The following GAB2 variants were observed in gnomAD, a reference collection of about 807,000 sequenced individuals.
GAB2 encodes GRB2 associated binding protein 2.
In GAB2, 26 loss-of-function variants were observed where a neutral mutation model predicts 65.5. That is an observed-to-expected ratio of 0.40 (90% CI 0.29 to 0.55). The LOEUF is 0.55. Ranked by LOEUF, GAB2 falls within the 20% of genes least tolerant of loss-of-function variation. GAB2 has a pLI of 0.53. For synonymous variants in GAB2, 321 were observed against 329.6 expected (o/e 0.97, Z 0.28); for missense variants, 884 against 875.8 (o/e 1.01, Z -0.12).
At chr11:78,354,258 T>G (rs945736368) in intron 1 of GAB2, among the ~76,000 whole-genome samples, 1 of 152,192 alleles carries the variant, frequency 6.6e-6, no homozygotes, top group African/African-American at 2.4e-5. Flanking sequence ...TTGAAAGAGA[T>G]TCACAGAAAG....
At chr11:78,377,630 G>T (rs547816060) in intron 1 of GAB2, among the ~76,000 whole-genome samples, 7 of 152,228 alleles carry the variant, frequency 4.6e-5, no homozygotes, top group African/African-American at 7.2e-5. Flanking sequence ...GAGACAAGTG[G>T]ACTCAGCTTT....
At chr11:78,232,489 A>G (rs1864873356) in intron 3 of GAB2, among the ~76,000 whole-genome samples, 1 of 152,178 alleles carries the variant, frequency 6.6e-6, no homozygotes, top group African/African-American at 2.4e-5. Flanking sequence ...AAAGAACTCT[A>G]TTTGTCTTGA....
At chr11:78,275,968 G>T (rs1258593177) in intron 2 of GAB2, among the ~76,000 whole-genome samples, 1 of 151,902 alleles carries the variant, frequency 6.6e-6, no homozygotes, top group East Asian at 1.9e-4. Context: ...ACAAAAATTA[G>T]CCAGACATGG....
chr11:78,225,086 C>T (rs773504709), intron 5 of GAB2, 22 bp downstream of exon 5: 8 of 1,540,154 alleles, frequency 5.2e-6, no homozygotes, highest in African/African-American at 4.1e-5. Flanking sequence ...GCCTGAGGAC[C>T]CTTGGGTTAA....
At chr11:78,273,656 A>G (rs1280740312) in intron 2 of GAB2, among the ~76,000 whole-genome samples, 1 of 152,174 alleles carries the variant, frequency 6.6e-6, no homozygotes, top group African/African-American at 2.4e-5. Context: ...ATGAGTTAAG[A>G]CTTTGGGGGA....
intron 1 of GAB2, among the ~76,000 whole-genome samples, chr11:78,316,711 T>C (rs183079567): frequency 4.6e-5 from 7 of 152,336 alleles, no homozygotes; most frequent in Non-Finnish European, 8.8e-5. Context: ...GCAGCTGCTA[T>C]AGAAGAGAGT....
At chr11:78,328,165 A>G (rs1478858400) in intron 1 of GAB2, among the ~76,000 whole-genome samples, 1 of 152,190 alleles carries the variant, frequency 6.6e-6, no homozygotes, top group Non-Finnish European at 1.5e-5. Flanking sequence ...TACACACCAA[A>G]CACTAGGCAC....
chr11:78,275,173 T>C (rs183572078), intron 2 of GAB2, among the ~76,000 whole-genome samples: 18 of 152,216 alleles, frequency 1.2e-4, no homozygotes, highest in African/African-American at 4.3e-4. Flanking sequence ...GAAAGCAGTG[T>C]TGCATTAAGG....
chr11:78,374,954 T>G (rs1856614408), intron 1 of GAB2, among the ~76,000 whole-genome samples: 1 of 152,226 alleles, frequency 6.6e-6, no homozygotes. Flanking sequence ...AATTGTAGCA[T>G]GTAACGAAAA....
At chr11:78,411,169 G>A (rs1180840229) in intron 1 of GAB2, among the ~76,000 whole-genome samples, 1 of 140,608 alleles carries the variant, frequency 7.1e-6, no homozygotes, top group East Asian at 2.2e-4. Context: ...TGGGGGGGGG[G>A]ATGGTGGAAG....
At chr11:78,327,652 A>C (rs1855847228) in intron 1 of GAB2, among the ~76,000 whole-genome samples, 1 of 152,198 alleles carries the variant, frequency 6.6e-6, no homozygotes, top group African/African-American at 2.4e-5. Flanking sequence ...CCACAGTGGG[A>C]CTTAAATGAT....
intron 1 of GAB2, 76 bp downstream of exon 1, chr11:78,417,570 C>T (rs1857215672): frequency 2.5e-6 from 2 of 796,312 alleles, no homozygotes; most frequent in Non-Finnish European, 3.2e-6. Flanking sequence ...CCTGCCGCCC[C>T]TCCGGGAGTC....
In GAB2 at chr11:78,223,734, G is replaced by A. The variant is rs188304087; in HGVS notation, c.1303-58C>T. The A allele has an allele frequency of 8.6e-5, 122 of 1,414,146 alleles. No homozygotes were observed. The African/African-American group carries it at 1.5e-3, about 17-fold the overall frequency. 87.6% of individuals were successfully genotyped at this position (1,414,146 alleles called of 1,614,324 possible). A position where few individuals can be genotyped will look rare whatever the true frequency, so the allele number is the denominator to read the frequency against. ...GTTACTAGCAAGAAGAAACAGGAAG[G>A]GGGTAAGACTTTGTAAATGAGGCAA... On this transcript the variant is annotated intron_variant, in intron 5 of 9. Coordinates refer to ENST00000361507, the MANE Select transcript of GAB2 (RefSeq NM_080491.3).
At chr11:78,245,938 TTTTC>T (rs1437328707) in intron 3 of GAB2, among the ~76,000 whole-genome samples, 1 of 146,482 alleles carries the variant, frequency 6.8e-6, no homozygotes, top group Non-Finnish European at 1.5e-5. Flanking sequence ...GGTTTTTTTA[TTTTC>T]TTTTTTTCTT....
chr11:78,358,921 A>G (rs1856397424), intron 1 of GAB2, among the ~76,000 whole-genome samples: 1 of 152,182 alleles, frequency 6.6e-6, no homozygotes, highest in Non-Finnish European at 1.5e-5. Flanking sequence ...ACTTTTGAAA[A>G]CAAACCAAAC....
chr11:78,412,036 A>G (rs1320918696), intron 1 of GAB2, among the ~76,000 whole-genome samples: 1 of 151,356 alleles, frequency 6.6e-6, no homozygotes, highest in East Asian at 1.9e-4. Context: ...TCTAAAAACA[A>G]CAACAACAAC....
chr11:78,367,297 G>A (rs762255620), intron 1 of GAB2, among the ~76,000 whole-genome samples: 5 of 152,202 alleles, frequency 3.3e-5, no homozygotes, highest in South Asian at 4.1e-4. Flanking sequence ...TCCTGCCTTC[G>A]AAGGGCATAT....
intron 2 of GAB2, among the ~76,000 whole-genome samples, chr11:78,265,717 CATGTTA>C (rs1455232738): frequency 6.6e-6 from 1 of 151,772 alleles, no homozygotes; most frequent in East Asian, 1.9e-4. Flanking sequence ...TACTTTATAC[CATGTTA>C]AAGTACATGT....
chr11:78,295,665 C>T (rs913832566), intron 1 of GAB2, among the ~76,000 whole-genome samples: 2 of 152,124 alleles, frequency 1.3e-5, no homozygotes, highest in Non-Finnish European at 2.9e-5. Flanking sequence ...GTTCTCAGCA[C>T]CCACATGAAC....
Sources: gnomAD v4.1 joint callset for allele counts (sites outside exome capture counted in the v4.1 genomes callset) on GRCh38, gnomAD v4.1.1 for gene constraint, MANE v1.5 for transcripts, NCBI Gene and HGNC (gene_info 2026-07-23, HGNC 2026-07-21) for gene names.